Variants in DRAM1 observed in about 807,000 individuals in gnomAD.
DRAM1 encodes the protein DNA damage regulated autophagy modulator 1.
DRAM1 carries 25 observed loss-of-function variants against 28.5 expected under a neutral mutation model. That is an observed-to-expected ratio of 0.88 (90% CI 0.64 to 1.23). The LOEUF is 1.23. Among genes scored for constraint, DRAM1 ranks in the 50% most tolerant of loss-of-function variants. The probability of loss-of-function intolerance (pLI) is 0.00; values close to 1 mark genes in which losing one functional copy is unlikely to be tolerated. For missense variants in DRAM1, 249 were observed against 299.2 expected (o/e 0.83, Z 1.24); for synonymous variants, 113 against 114.2 (o/e 0.99, Z 0.07).
At chr12:101,904,926 G>T (rs562841176) in intron 3 of DRAM1, among the ~76,000 whole-genome samples, 1 of 152,104 alleles carries the variant, frequency 6.6e-6, no homozygotes, top group Non-Finnish European at 1.5e-5. Context: ...AAAGGGTCTC[G>T]CTCCTTCACC....
At chr12:101,885,716 C>G (rs1872862467) in intron 1 of DRAM1, among the ~76,000 whole-genome samples, 1 of 151,788 alleles carries the variant, frequency 6.6e-6, no homozygotes, top group African/African-American at 2.4e-5. Context: ...TTAGTAGAGA[C>G]AGGGTTTCAC....
intron 4 of DRAM1, among the ~76,000 whole-genome samples, chr12:101,910,640 G>T (rs1002550493): frequency 2.0e-4 from 31 of 151,820 alleles, no homozygotes; most frequent in Non-Finnish European, 2.8e-4. Context: ...ACCACGCCCG[G>T]CTACTTTTCA....
At chr12:101,897,639 T>C (rs922828913) in intron 1 of DRAM1, among the ~76,000 whole-genome samples, 1 of 152,190 alleles carries the variant, frequency 6.6e-6, no homozygotes, top group African/African-American at 2.4e-5. Flanking sequence ...TTTTAAACAT[T>C]TTCTGGCTTT....
intron 3 of DRAM1, among the ~76,000 whole-genome samples, chr12:101,907,739 C>G (rs968975726): frequency 6.6e-6 from 1 of 152,130 alleles, no homozygotes; most frequent in Non-Finnish European, 1.5e-5. Flanking sequence ...AACTCTGTCT[C>G]AAAAACAACA....
chr12:101,920,235 C>T lies in DRAM1; in HGVS notation c.672+34C>T, dbSNP rs376017683. 2.1e-4 allele frequency: 311 copies of T among 1,471,978 alleles called. No homozygotes were observed. In the African/African-American group the frequency reaches 2.2e-3, roughly 10 times the overall value. 91.2% of individuals were successfully genotyped at this position (1,471,978 alleles called of 1,614,324 possible). Reference sequence around the variant, plus strand: ...TTATCAATTCAAATGTTTTAAATTGCGGACAATTAGGATTAGTAAAAATTT... The same window carrying T: ...TTATCAATTCAAATGTTTTAAATTGTGGACAATTAGGATTAGTAAAAATTT... On this transcript the variant is annotated intron_variant, in intron 6 of 6. Coordinates refer to ENST00000258534, the MANE Select transcript of DRAM1 (RefSeq NM_018370.3).
At position 101,892,242 on chromosome 12, in the gene DRAM1, A is replaced by T. The variant is rs527687146; in HGVS notation, c.132-5621A>T. Among the ~76,000 whole-genome samples, 735 of 146,692 alleles carry T rather than the reference A, an allele frequency of 5.0e-3. 7 individuals are homozygous for T. The highest frequency in any genetic ancestry group is 0.017 in the African/African-American group (686 of 40,386). On this transcript the variant is annotated intron_variant, in intron 1 of 6. Transcript: ENST00000258534. Reference sequence around the variant, plus strand: ...CTATTTCATTTTTATTTTATTTTTTATTTTTTTTTTTGAGACAGAGTCTTG... The same window carrying T: ...CTATTTCATTTTTATTTTATTTTTTTTTTTTTTTTTTGAGACAGAGTCTTG...
chr12:101,900,846 G>T (rs1176707162), intron 2 of DRAM1, among the ~76,000 whole-genome samples: 1 of 152,142 alleles, frequency 6.6e-6, no homozygotes, highest in Non-Finnish European at 1.5e-5. Flanking sequence ...ATGGCGTGTT[G>T]TTTGTAGCAG....
In DRAM1 at chr12:101,914,807, G is replaced by A. The variant is rs989188936; in HGVS notation, c.579+575G>A. On this transcript the variant is annotated intron_variant, in intron 5 of 6. Coordinates refer to ENST00000258534, the MANE Select transcript of DRAM1 (RefSeq NM_018370.3). ...CGAGTAGCTGGGACCACAGGCGTGC[G>A]CCACATGCCTGGCTAATTTTTGTAT... 8.6e-5 allele frequency among the ~76,000 whole-genome samples: 13 copies of A among 151,926 alleles called. No individual in the cohort carries two copies. In the South Asian group the frequency reaches 1.0e-3, roughly 12 times the overall value.
intron 5 of DRAM1, among the ~76,000 whole-genome samples, chr12:101,919,024 T>C (rs150652705): frequency 1.3e-5 from 2 of 152,064 alleles, no homozygotes; most frequent in Non-Finnish European, 2.9e-5. Flanking sequence ...CAGGCTCAAG[T>C]GATCCTCCCA....
intron 5 of DRAM1, among the ~76,000 whole-genome samples, chr12:101,918,338 TC>T (rs1187614618): frequency 6.6e-6 from 1 of 152,174 alleles, no homozygotes; most frequent in Non-Finnish European, 1.5e-5. Context: ...CTTAAGAAAT[TC>T]CCCCCAAAGT....
At chr12:101,898,097 T>C (rs775085211) in intron 2 of DRAM1, among the ~76,000 whole-genome samples, 167 bp downstream of exon 2, 63 of 152,316 alleles carry the variant, frequency 4.1e-4, no homozygotes, top group South Asian at 2.3e-3. Context: ...CACGGCTCAC[T>C]GCAGCCTCAA....
chr12:101,909,839 G>A (rs1226450293), intron 4 of DRAM1, among the ~76,000 whole-genome samples: 14 of 152,154 alleles, frequency 9.2e-5, no homozygotes, highest in Non-Finnish European at 1.5e-4. Context: ...TTAAAGAGTT[G>A]CAGAGTTCCC....
intron 3 of DRAM1, 79 bp from the exon 4 acceptor site, chr12:101,908,107 C>A (rs1367021285): frequency 3.2e-6 from 4 of 1,266,212 alleles, no homozygotes; most frequent in Non-Finnish European, 4.4e-6. Flanking sequence ...TGGCTCAAAG[C>A]AGCCCAGAGT....
At chr12:101,917,569 C>T (rs1594313897) in intron 5 of DRAM1, among the ~76,000 whole-genome samples, 2 of 151,886 alleles carry the variant, frequency 1.3e-5, no homozygotes, top group East Asian at 3.9e-4. Flanking sequence ...ACCTGTAGTC[C>T]CAGCTACTTG....
At chr12:101,898,753 C>T (rs1873484015) in intron 2 of DRAM1, among the ~76,000 whole-genome samples, 2 of 152,134 alleles carry the variant, frequency 1.3e-5, no homozygotes, top group African/African-American at 4.8e-5. Context: ...AGTTTGAGGA[C>T]CATTGACAAA....
At chr12:101,901,588 A>C (rs1296800741) in intron 3 of DRAM1, 155 bp downstream of exon 3, 1 of 863,240 alleles carries the variant, frequency 1.2e-6, no homozygotes, top group Non-Finnish European at 1.7e-6. Context: ...AGAAACCTTT[A>C]ACATTTGGAA....
chr12:101,918,395 C>T (rs553829193), intron 5 of DRAM1, among the ~76,000 whole-genome samples: 22 of 152,254 alleles, frequency 1.4e-4, no homozygotes, highest in Non-Finnish European at 8.8e-5. Flanking sequence ...AGGGATGATA[C>T]GGGATGTGGC....
chr12:101,904,587 G>A (rs922773928), intron 3 of DRAM1, among the ~76,000 whole-genome samples: 6 of 151,332 alleles, frequency 4.0e-5, no homozygotes, highest in African/African-American at 1.5e-4. Flanking sequence ...GACTACAGGC[G>A]CCCGCCACCA....
At chr12:101,893,923 TA>T (rs68087095) in intron 1 of DRAM1, among the ~76,000 whole-genome samples, 5,868 of 108,676 alleles carry the variant, frequency 0.054, 196 homozygotes, top group African/African-American at 0.13. Context: ...TGTTTTTTTT[TA>T]AAATTAATTA....
Sources: gnomAD v4.1 joint callset for allele counts (sites outside exome capture counted in the v4.1 genomes callset) on GRCh38, gnomAD v4.1.1 for gene constraint, MANE v1.5 for transcripts, NCBI Gene and HGNC (gene_info 2026-07-23, HGNC 2026-07-21) for gene names.